The following ADAM12 variants were observed in gnomAD, a reference collection of about 807,000 sequenced individuals.
The protein encoded by ADAM12 is ADAM metallopeptidase domain 12.
A neutral mutation model predicts 106.4 loss-of-function variants in ADAM12; 70 were observed. The ratio of observed to expected loss-of-function variants is 0.66; its 90% CI spans 0.54 to 0.80. The LOEUF is 0.80. Ranked by LOEUF, ADAM12 falls within the 30% of genes least tolerant of loss-of-function variation. The pLI is 0.00. For synonymous variants in ADAM12, 420 were observed against 433.5 expected (o/e 0.97, Z 0.39); for missense variants, 1,010 against 1,171.9 (o/e 0.86, Z 2.02).
At chr10:126,197,713 T>C (rs1474752222) in intron 3 of ADAM12, among the ~76,000 whole-genome samples, 3 of 152,246 alleles carry the variant, frequency 2.0e-5, no homozygotes, top group Non-Finnish European at 4.4e-5. Context: ...TTGGTATTTA[T>C]ATATCACTGG....
intron 3 of ADAM12, among the ~76,000 whole-genome samples, chr10:126,155,586 T>C (rs1232676138): frequency 6.6e-6 from 1 of 152,134 alleles, no homozygotes; most frequent in Non-Finnish European, 1.5e-5. Flanking sequence ...CATTCCTTCA[T>C]GCGCACACTG....
intron 3 of ADAM12, among the ~76,000 whole-genome samples, chr10:126,211,735 C>G (rs1373862122): frequency 6.6e-6 from 1 of 152,154 alleles, no homozygotes; most frequent in Non-Finnish European, 1.5e-5. Context: ...GCTGAATCCG[C>G]AAATAGTCAT....
chr10:126,202,391 T>G (rs1957718720), intron 3 of ADAM12, among the ~76,000 whole-genome samples: 1 of 152,238 alleles, frequency 6.6e-6, no homozygotes, highest in South Asian at 2.1e-4. Context: ...TTGTATAAAT[T>G]TAATGACTAT....
intron 2 of ADAM12, among the ~76,000 whole-genome samples, chr10:126,328,535 C>T (rs948781743): frequency 2.0e-5 from 3 of 152,274 alleles, no homozygotes; most frequent in South Asian, 4.1e-4. Flanking sequence ...GGTACACACA[C>T]GTAACAGACA....
chr10:126,217,521 C>T (rs1958009098), intron 3 of ADAM12, among the ~76,000 whole-genome samples: 2 of 151,724 alleles, frequency 1.3e-5, no homozygotes, highest in South Asian at 4.1e-4. Context: ...GAATGCACCA[C>T]CATGCCCAGC....
At chr10:126,210,800 T>C (rs1331756866) in intron 3 of ADAM12, among the ~76,000 whole-genome samples, 2 of 151,920 alleles carry the variant, frequency 1.3e-5, no homozygotes, top group Non-Finnish European at 2.9e-5. Context: ...TTTCTGGACA[T>C]TAAGGGAGGC....
chr10:126,264,735 G>GT (rs1467973504), intron 3 of ADAM12, among the ~76,000 whole-genome samples: 18 of 151,516 alleles, frequency 1.2e-4, no homozygotes, highest in Middle Eastern at 3.4e-3. Context: ...TTTGTTTTTT[G>GT]TTTTTTTTAA....
chr10:126,238,010 G>T (rs566522282), intron 3 of ADAM12, among the ~76,000 whole-genome samples: 1 of 152,144 alleles, frequency 6.6e-6, no homozygotes, highest in African/African-American at 2.4e-5. Flanking sequence ...GCGATGGTAC[G>T]GAAGAAAACA....
chr10:126,308,305 G>A (rs904752621), intron 2 of ADAM12, among the ~76,000 whole-genome samples: 6 of 152,158 alleles, frequency 3.9e-5, no homozygotes, highest in African/African-American at 1.4e-4. Context: ...ACATGACATG[G>A]GAGACTAGTT....
At chr10:126,063,431 C>T (rs577351308) in intron 14 of ADAM12, among the ~76,000 whole-genome samples, 84 of 152,288 alleles carry the variant, frequency 5.5e-4, no homozygotes, top group Non-Finnish European at 1.0e-3. Context: ...ACCCAGGCTT[C>T]GAGGTTTAGT....
intron 18 of ADAM12, chr10:126,041,573 C>CA: frequency 1.0e-6 from 1 of 986,104 alleles, no homozygotes; most frequent in Non-Finnish European, 1.2e-6. Context: ...CAGTTTGTTT[C>CA]ATTGCCATTC....
chr10:126,190,989 C>CTTTTT (rs1957488604), intron 3 of ADAM12, among the ~76,000 whole-genome samples: 784 of 68,712 alleles, frequency 0.011, 275 homozygotes, highest in African/African-American at 0.025. Context: ...GGAGTTTTGT[C>CTTTTT]CTTTTTTTTT....
chr10:126,231,974 G>A (rs536990714), intron 3 of ADAM12, among the ~76,000 whole-genome samples: 1 of 152,222 alleles, frequency 6.6e-6, no homozygotes, highest in East Asian at 1.9e-4. Context: ...ATTTCTACTT[G>A]AATGTCCAGC....
intron 3 of ADAM12, among the ~76,000 whole-genome samples, chr10:126,249,330 G>C (rs954399428): frequency 1.3e-5 from 2 of 152,212 alleles, no homozygotes; most frequent in African/African-American, 4.8e-5. Context: ...CTAGGTGGGG[G>C]TTGGTGGTGA....
intron 11 of ADAM12, among the ~76,000 whole-genome samples, chr10:126,088,399 A>C (rs1014659126): frequency 3.9e-5 from 6 of 152,048 alleles, no homozygotes; most frequent in African/African-American, 1.4e-4. Flanking sequence ...GTCTTCTCTG[A>C]TGTCATTAGA....
rs761047348 is a variant in ADAM12, at chr10:126,319,285, C to G, written c.186+11127G>C. On this transcript the variant is annotated intron_variant, in intron 2 of 22. Coordinates refer to ENST00000448723, the MANE Select transcript of ADAM12 (RefSeq NM_001288973.2). ...CGCACAGTGACCTCCTTCCAGGCAA[C>G]ACAGCATGGGAAGGGGGAAAAAGGA... is the stretch of plus-strand genomic sequence containing the variant. 2.6e-5 allele frequency among the ~76,000 whole-genome samples: 4 copies of G among 152,266 alleles called. No homozygotes were observed. The South Asian group carries it at 8.3e-4, about 32-fold the overall frequency.
At chr10:126,108,349 T>C (rs1262498134) in intron 8 of ADAM12, among the ~76,000 whole-genome samples, 1 of 152,170 alleles carries the variant, frequency 6.6e-6, no homozygotes, top group Non-Finnish European at 1.5e-5. Context: ...GTATTCCACC[T>C]GACCGGAAGA....
intron 2 of ADAM12, among the ~76,000 whole-genome samples, chr10:126,283,035 T>C (rs1386331220): frequency 6.6e-6 from 1 of 151,248 alleles, no homozygotes; most frequent in East Asian, 1.9e-4. Flanking sequence ...TGGTCCCATA[T>C]GGGGGTGATG....
chr10:126,061,787 C>G (rs2133471579), intron 14 of ADAM12, among the ~76,000 whole-genome samples: 1 of 152,254 alleles, frequency 6.6e-6, no homozygotes, highest in East Asian at 1.9e-4. Flanking sequence ...CAGAGCCTCC[C>G]AAAGCAATGC....
Sources: allele counts gnomAD v4.1 joint callset (sites outside exome capture counted in the v4.1 genomes callset), GRCh38; gene constraint gnomAD v4.1.1; transcripts MANE v1.5; gene names NCBI Gene and HGNC (gene_info 2026-07-23, HGNC 2026-07-21).